The following RNU5A-1 variants were observed in gnomAD, a reference collection of about 807,000 sequenced individuals.
The protein encoded by RNU5A-1 is RNA, U5C small nuclear.
exon 1 of RNU5A-1, chr15:65,296,164 G>A (rs911737051): frequency 2.0e-5 from 3 of 152,214 alleles, no homozygotes; most frequent in African/African-American, 4.8e-5. Context: ...CTTTGGCAAG[G>A]CTATATGTGG....
exon 1 of RNU5A-1, chr15:65,296,055 T>C (rs1476748106): frequency 6.6e-6 from 1 of 152,218 alleles, no homozygotes; most frequent in Non-Finnish European, 1.5e-5. Flanking sequence ...ACTGGTATAC[T>C]CTGGTTTCTC....
At chr15:65,296,132 A>AACCCAAT (rs1385760860) in exon 1 of RNU5A-1, 3 of 152,212 alleles carry the variant, frequency 2.0e-5, no homozygotes, top group African/African-American at 7.2e-5. Flanking sequence ...TCTGAGTCTT[A>AACCCAAT]ACCCAATTTT....
At chr15:65,296,154 C>CT (rs1300283753) in exon 1 of RNU5A-1, 1 of 152,162 alleles carries the variant, frequency 6.6e-6, no homozygotes, top group Non-Finnish European at 1.5e-5. Context: ...TGAGGCCTTG[C>CT]TTTGGCAAGG....
At chr15:65,296,077 TA>T (rs1399463113) in exon 1 of RNU5A-1, 1 of 152,248 alleles carries the variant, frequency 6.6e-6, no homozygotes, top group Non-Finnish European at 1.5e-5. Flanking sequence ...TCAGATCGCA[TA>T]AATCTTTCGC....
chr15:65,296,160 C>CT (rs1438337833), exon 1 of RNU5A-1: 4 of 152,154 alleles, frequency 2.6e-5, no homozygotes, highest in South Asian at 2.1e-4. Context: ...CTTGCTTTGG[C>CT]AAGGCTATAT....
At chr15:65,296,126 A>G (rs556968722) in exon 1 of RNU5A-1, 1 of 152,198 alleles carries the variant, frequency 6.6e-6, no homozygotes, top group Admixed American at 6.5e-5. Context: ...AACAACTCTG[A>G]GTCTTAACCC....
At chr15:65,296,080 A>G (rs767193830) in exon 1 of RNU5A-1, 23 of 152,290 alleles carry the variant, frequency 1.5e-4, no homozygotes, top group South Asian at 2.1e-4. Flanking sequence ...GATCGCATAA[A>G]TCTTTCGCCT....
At chr15:65,296,154 C>G (rs376440820) in exon 1 of RNU5A-1, 4 of 152,162 alleles carry the variant, frequency 2.6e-5, no homozygotes, top group African/African-American at 9.7e-5. Context: ...TGAGGCCTTG[C>G]TTTGGCAAGG....
downstream of RNU5A-1, chr15:65,296,167 A>AT (rs1361770587): frequency 6.6e-6 from 1 of 152,214 alleles, no homozygotes; most frequent in Non-Finnish European, 1.5e-5. Context: ...TGGCAAGGCT[A>AT]TATGTGGTAA....
At chr15:65,296,165 C>T (rs747039378) in exon 1 of RNU5A-1, 3 of 152,180 alleles carry the variant, frequency 2.0e-5, no homozygotes, top group Admixed American at 6.5e-5. Context: ...TTTGGCAAGG[C>T]TATATGTGGT....
chr15:65,296,124 T>A (rs890539603), exon 1 of RNU5A-1: 19 of 152,186 alleles, frequency 1.2e-4, no homozygotes, highest in African/African-American at 3.9e-4. Context: ...GGAACAACTC[T>A]GAGTCTTAAC....
exon 1 of RNU5A-1, chr15:65,296,082 C>T (rs566685241): frequency 2.1e-4 from 32 of 152,288 alleles, no homozygotes; most frequent in South Asian, 6.2e-4. Context: ...TCGCATAAAT[C>T]TTTCGCCTTT....
exon 1 of RNU5A-1, chr15:65,296,153 G>A (rs550849161): frequency 9.9e-4 from 151 of 152,312 alleles, no homozygotes; most frequent in African/African-American, 3.4e-3. Context: ...TTGAGGCCTT[G>A]CTTTGGCAAG....
rs890423754 is a variant in RNU5A-1 at position 65,296,088 on chromosome 15, C to T, written n.38C>T. The T allele has an allele frequency of 1.3e-5, 2 of 152,176 alleles. No individual in the cohort carries two copies. The highest frequency in any genetic ancestry group is 6.5e-5 in the Admixed American group (1 of 15,272). 9.4% of individuals were successfully genotyped at this position (152,176 alleles called of 1,614,324 possible). A position where few individuals can be genotyped will look rare whatever the true frequency, so the allele number is the denominator to read the frequency against. On this transcript the variant is annotated non_coding_transcript_exon_variant, in exon 1 of 1. Coordinates refer to ENST00000362698, the Ensembl canonical transcript of RNU5A-1. ...CTCTTCAGATCGCATAAATCTTTCG[C>T]CTTTTACTAAAGATTTCCGTGGAGA... is the stretch of plus-strand genomic sequence containing the variant.
chr15:65,296,140 T>G (rs1183676186), exon 1 of RNU5A-1: 3 of 152,174 alleles, frequency 2.0e-5, no homozygotes, highest in African/African-American at 7.2e-5. Context: ...TTAACCCAAT[T>G]TTTTGAGGCC....
At chr15:65,296,127 G>A (rs549368927) in exon 1 of RNU5A-1, 7 of 152,292 alleles carry the variant, frequency 4.6e-5, no homozygotes, top group East Asian at 3.9e-4. Context: ...ACAACTCTGA[G>A]TCTTAACCCA....
chr15:65,296,063 C>G (rs919460121), exon 1 of RNU5A-1: 2 of 152,206 alleles, frequency 1.3e-5, no homozygotes, highest in Non-Finnish European at 2.9e-5. Flanking sequence ...ACTCTGGTTT[C>G]TCTTCAGATC....
chr15:65,296,136 C>T (rs184210938), exon 1 of RNU5A-1: 7 of 152,130 alleles, frequency 4.6e-5, no homozygotes, highest in African/African-American at 7.2e-5. Context: ...AGTCTTAACC[C>T]AATTTTTTGA....
At chr15:65,296,161 A>T (rs2090718271) in exon 1 of RNU5A-1, 3 of 152,200 alleles carry the variant, frequency 2.0e-5, no homozygotes, top group African/African-American at 7.2e-5. Flanking sequence ...TTGCTTTGGC[A>T]AGGCTATATG....
Sources: gnomAD v4.1 joint callset for allele counts on GRCh38, gnomAD v4.1.1 for gene constraint, MANE v1.5 for transcripts, NCBI Gene and HGNC (gene_info 2026-07-23, HGNC 2026-07-21) for gene names.